The following FTO variants were observed in gnomAD, a reference collection of about 807,000 sequenced individuals.
The protein encoded by FTO is FTO alpha-ketoglutarate dependent dioxygenase, also known as alpha-ketoglutarate-dependent dioxygenase FTO.
A neutral mutation model predicts 63.9 loss-of-function variants in FTO; 47 were observed. That is an observed-to-expected ratio of 0.74 (90% CI 0.58 to 0.94). The LOEUF (loss-of-function observed/expected upper bound fraction) is 0.94, where lower values mean the gene tolerates loss of function less well. FTO is among the 40% of genes least tolerant of loss of function. The pLI is 0.00. For missense variants in FTO, 562 were observed against 618.1 expected (o/e 0.91, Z 0.96); for synonymous variants, 207 against 224.4 (o/e 0.92, Z 0.69).
intron 1 of FTO, among the ~76,000 whole-genome samples, chr16:53,762,058 A>G (rs1240011089): frequency 1.3e-5 from 2 of 152,186 alleles, no homozygotes; most frequent in Non-Finnish European, 2.9e-5. Flanking sequence ...CAAATGTTCT[A>G]TTATATTTAG....
chr16:53,706,186 T>C (rs1420344916), intron 1 of FTO, among the ~76,000 whole-genome samples: 1 of 152,210 alleles, frequency 6.6e-6, no homozygotes, highest in African/African-American at 2.4e-5. Context: ...TTGCTTAATA[T>C]TATTTGTTAG....
intron 8 of FTO, among the ~76,000 whole-genome samples, chr16:54,093,425 G>T (rs2086442229): frequency 1.3e-5 from 2 of 152,238 alleles, no homozygotes; most frequent in South Asian, 4.1e-4. Context: ...TTAGCAGTCT[G>T]CTGAGAAGCC....
In FTO at chr16:54,113,174, C is replaced by T. The variant is rs1442489671; in HGVS notation, c.*1259C>T. ...GAGCTGACCTGGATGTAGATGTTTT[C>T]CTCTCTCTTGCTGACCCCTCCGCCA... is the stretch of plus-strand genomic sequence containing the variant. On this transcript the variant is annotated 3_prime_UTR_variant, in exon 9 of 9. Coordinates refer to ENST00000471389, the MANE Select transcript of FTO (RefSeq NM_001080432.3). The T allele has an allele frequency of 1.3e-5, 2 of 152,174 alleles. No individual in the cohort carries two copies. Among genetic ancestry groups the T allele is most frequent in the African/African-American group, 4.8e-5 (2 of 41,424 alleles). 9.4% of individuals were successfully genotyped at this position (152,174 alleles called of 1,614,324 possible). A position where few individuals can be genotyped will look rare whatever the true frequency, so the allele number is the denominator to read the frequency against.
intron 1 of FTO, among the ~76,000 whole-genome samples, chr16:53,786,611 A>G (rs967740564): frequency 9.2e-5 from 14 of 152,328 alleles, no homozygotes; most frequent in African/African-American, 3.1e-4. Context: ...ACTGCTGTGA[A>G]TTTTGTGATG....
chr16:53,703,999 C>T (rs527438785), upstream of FTO: 5 of 681,954 alleles, frequency 7.3e-6, no homozygotes, highest in African/African-American at 7.1e-5. Flanking sequence ...GGAAATTCTC[C>T]TGTGCTAAAT....
chr16:53,858,768 C>G (rs748703430), intron 4 of FTO, among the ~76,000 whole-genome samples: 15 of 151,998 alleles, frequency 9.9e-5, no homozygotes, highest in Non-Finnish European at 1.8e-4. Flanking sequence ...TCAAATGATT[C>G]TCCTGCCTCA....
At chr16:54,086,801 G>A (rs1353756054) in intron 8 of FTO, among the ~76,000 whole-genome samples, 2 of 152,208 alleles carry the variant, frequency 1.3e-5, no homozygotes, top group Non-Finnish European at 2.9e-5. Context: ...TGGAATTAAA[G>A]TTAAATGCCT....
At chr16:53,887,692 A>G (rs1474352648) in intron 6 of FTO, among the ~76,000 whole-genome samples, 1 of 152,216 alleles carries the variant, frequency 6.6e-6, no homozygotes, top group Non-Finnish European at 1.5e-5. Context: ...CAATAAGTAT[A>G]TAACACAAAT....
intron 8 of FTO, among the ~76,000 whole-genome samples, chr16:54,058,426 G>A (rs2085490885): frequency 6.6e-6 from 1 of 152,172 alleles, no homozygotes; most frequent in African/African-American, 2.4e-5. Context: ...CCTGGCCGGA[G>A]GAGAAACTCC....
intron 8 of FTO, among the ~76,000 whole-genome samples, chr16:54,103,974 G>A (rs1461790082): frequency 6.6e-6 from 1 of 152,166 alleles, no homozygotes; most frequent in Non-Finnish European, 1.5e-5. Flanking sequence ...TCATGGAGGT[G>A]AGAATTATAC....
chr16:53,785,980 C>T (rs1396861181), intron 1 of FTO, among the ~76,000 whole-genome samples: 6 of 150,824 alleles, frequency 4.0e-5, no homozygotes, highest in Admixed American at 2.0e-4. Context: ...AGTGGGAGCT[C>T]ATTAAGAAGG....
chr16:53,766,942 G>A (rs1221200788), intron 1 of FTO, among the ~76,000 whole-genome samples: 1 of 152,050 alleles, frequency 6.6e-6, no homozygotes, highest in African/African-American at 2.4e-5. Context: ...GATTTTCCAT[G>A]GCAGACTTGT....
chr16:53,850,269 A>G (rs2388408), intron 4 of FTO, among the ~76,000 whole-genome samples: 29,976 of 151,950 alleles, frequency 0.2, 3,161 homozygotes, highest in East Asian at 0.33. Context: ...TCCACTGCCT[A>G]TCCAATATGA....
chr16:54,113,265 C>A lies in FTO; in HGVS notation c.*1350C>A. ...GACCTGGCTCCTGCCCATTGGTGTCCCAAGAAATCGTGAGAATAGTTAGCC... is the reference window on the plus strand; with the variant it reads ...GACCTGGCTCCTGCCCATTGGTGTCACAAGAAATCGTGAGAATAGTTAGCC... On this transcript the variant is annotated 3_prime_UTR_variant, in exon 9 of 9. Coordinates refer to ENST00000471389, the MANE Select transcript of FTO (RefSeq NM_001080432.3). The A allele has an allele frequency of 7.0e-6, 1 of 143,292 alleles. No homozygotes were observed. Among genetic ancestry groups the A allele is most frequent in the Non-Finnish European group, 1.5e-5 (1 of 65,644 alleles). The allele number at this position is 143,292 out of a possible 1,614,324, so 8.9% of individuals were successfully genotyped here.
At chr16:53,809,128 C>T (rs1426088337) in intron 1 of FTO, among the ~76,000 whole-genome samples, 4 of 152,124 alleles carry the variant, frequency 2.6e-5, no homozygotes, top group Admixed American at 6.6e-5. Flanking sequence ...GATCGTCTTT[C>T]AGTTACTTTG....
intron 8 of FTO, among the ~76,000 whole-genome samples, chr16:54,084,127 T>C (rs2086209425): frequency 6.6e-6 from 1 of 152,252 alleles, no homozygotes; most frequent in Non-Finnish European, 1.5e-5. Context: ...TCTGAAACTC[T>C]TCTTGTCCCA....
intron 2 of FTO, among the ~76,000 whole-genome samples, chr16:53,810,760 T>C (rs1444339620): frequency 6.6e-6 from 1 of 152,254 alleles, no homozygotes; most frequent in Non-Finnish European, 1.5e-5. Flanking sequence ...GGGGAATTTA[T>C]TGACTTGCCT....
At chr16:54,108,195 C>T (rs2086798883) in intron 8 of FTO, among the ~76,000 whole-genome samples, 1 of 152,110 alleles carries the variant, frequency 6.6e-6, no homozygotes, top group Non-Finnish European at 1.5e-5. Context: ...AATTTGGGGC[C>T]CCTTTATTTT....
At chr16:53,805,109 C>T (rs2078328374) in intron 1 of FTO, among the ~76,000 whole-genome samples, 1 of 152,032 alleles carries the variant, frequency 6.6e-6, no homozygotes, top group African/African-American at 2.4e-5. Flanking sequence ...TTTACTGAAC[C>T]TGACACAATA....
Sources: allele counts gnomAD v4.1 joint callset (sites outside exome capture counted in the v4.1 genomes callset), GRCh38; gene constraint gnomAD v4.1.1; transcripts MANE v1.5; gene names NCBI Gene and HGNC (gene_info 2026-07-23, HGNC 2026-07-21).